EHBP1: variants seen among roughly 807,000 people sequenced by gnomAD.
The protein encoded by EHBP1 is EH domain binding protein 1.
Under a neutral mutation model 144.0 loss-of-function variants are expected in EHBP1, and 55 were observed. That is an observed-to-expected ratio of 0.38 (90% CI 0.31 to 0.48). The LOEUF (loss-of-function observed/expected upper bound fraction) is 0.48. EHBP1 is among the 20% of genes least tolerant of loss of function. The pLI is 0.98. For synonymous variants in EHBP1, 469 were observed against 472.7 expected, an observed-to-expected ratio of 0.99 and a Z score of 0.10; for missense variants, 1,200 against 1,364.2, an observed-to-expected ratio of 0.88 and a Z score of 1.90.
chr2:62,736,166 G>A (rs183478577), intron 2 of EHBP1, among the ~76,000 whole-genome samples: 39 of 124,268 alleles, frequency 3.1e-4, no homozygotes, highest in Non-Finnish European at 4.4e-4. Flanking sequence ...TTTTGTAGTT[G>A]TTCCGCAGTC....
chr2:62,844,186 G>A (rs1371165545), intron 7 of EHBP1, among the ~76,000 whole-genome samples: 1 of 152,136 alleles, frequency 6.6e-6, no homozygotes, highest in African/African-American at 2.4e-5. Context: ...TAAATTAGCA[G>A]TATTTGACAA....
intron 7 of EHBP1, among the ~76,000 whole-genome samples, chr2:62,835,616 C>T (rs1318318066): frequency 2.6e-5 from 4 of 151,962 alleles, no homozygotes; most frequent in East Asian, 1.9e-4. Context: ...AGACAGTGGG[C>T]GCAGGCCAGT....
At chr2:62,956,688 GAAAAAA>G (rs552448173) in intron 14 of EHBP1, among the ~76,000 whole-genome samples, 1,128 of 107,506 alleles carry the variant, frequency 0.01, 20 homozygotes, top group East Asian at 0.04. Flanking sequence ...TCTACTTACA[GAAAAAA>G]AAAAAAAAAA....
intron 5 of EHBP1, among the ~76,000 whole-genome samples, chr2:62,792,538 A>G (rs1190577723): frequency 6.6e-6 from 1 of 152,096 alleles, no homozygotes; most frequent in East Asian, 1.9e-4. Context: ...ATGATGTTTG[A>G]TAAACGAACT....
chr2:62,974,482 C>G (rs1234797359), intron 14 of EHBP1, among the ~76,000 whole-genome samples: 1 of 151,908 alleles, frequency 6.6e-6, no homozygotes, highest in African/African-American at 2.4e-5. Context: ...TTGCGTATAC[C>G]CTTCCAAATC....
intron 5 of EHBP1, among the ~76,000 whole-genome samples, chr2:62,785,903 A>G (rs1180541018): frequency 6.6e-6 from 1 of 151,902 alleles, no homozygotes; most frequent in Non-Finnish European, 1.5e-5. Flanking sequence ...TCTGAACCAC[A>G]TCATCCTTTC....
chr2:62,935,187 C>T (rs995153321), intron 10 of EHBP1, among the ~76,000 whole-genome samples: 27 of 151,338 alleles, frequency 1.8e-4, no homozygotes, highest in African/African-American at 5.8e-4. Flanking sequence ...AAATTAGCTG[C>T]GTGTGGTGGC....
chr2:62,680,727 A>G (rs989664506), intron 1 of EHBP1, among the ~76,000 whole-genome samples: 9 of 152,304 alleles, frequency 5.9e-5, no homozygotes, highest in South Asian at 2.1e-4. Context: ...GTCTAGAGGG[A>G]ATATGAGGCT....
Position 62,948,745 on chromosome 2 carries a change from C to A in EHBP1, c.1899C>A (p.Asp633Glu), listed in dbSNP as rs1438000853. 4.3e-6 allele frequency: 7 copies of A among 1,613,964 alleles called. No individual in the cohort carries two copies. Among genetic ancestry groups the A allele is most frequent in the African/African-American group, 2.7e-5 (2 of 74,914 alleles). Residue 633 changes from aspartate (D) to glutamate (E), a missense_variant, in exon 13 of 23, where the codon GAC (aspartate) becomes GAA (glutamate). Coordinates refer to ENST00000431489, the MANE Select transcript of EHBP1 (RefSeq NM_001142616.3). ...QSSGRTSGSD[D>E]PGICSNTDST... ...CTGGAAGGACTTCAGGATCTGATGA[C>A]CCTGGAATATGTTCCAATACAGATT...
At chr2:62,983,444 T>C (rs908239062) in intron 15 of EHBP1, among the ~76,000 whole-genome samples, 1 of 152,092 alleles carries the variant, frequency 6.6e-6, no homozygotes. Context: ...TAAAGTATAT[T>C]ATATATGATA....
intron 2 of EHBP1, among the ~76,000 whole-genome samples, chr2:62,713,697 T>C (rs2151861462): frequency 6.6e-6 from 1 of 152,366 alleles, no homozygotes. Flanking sequence ...TTGCAAGTTA[T>C]GTGAATCTTG....
chr2:62,964,897 T>G (rs1463034427), intron 14 of EHBP1: 1 of 152,674 alleles, frequency 6.5e-6, no homozygotes, highest in East Asian at 1.9e-4. Context: ...CTATGGCCCC[T>G]TGGCATGAAA....
At chr2:62,735,297 T>C (rs1573031493) in intron 2 of EHBP1, among the ~76,000 whole-genome samples, 1 of 152,138 alleles carries the variant, frequency 6.6e-6, no homozygotes, top group Non-Finnish European at 1.5e-5. Flanking sequence ...TTTTTTGTGG[T>C]TGCGTTAGAG....
intron 14 of EHBP1, among the ~76,000 whole-genome samples, chr2:62,960,156 TC>T (rs967881435): frequency 6.6e-6 from 1 of 152,138 alleles, no homozygotes; most frequent in African/African-American, 2.4e-5. Context: ...ATATGAAGCC[TC>T]AAAATCCATC....
At chr2:63,040,062 A>G (rs2061595739) in intron 21 of EHBP1, among the ~76,000 whole-genome samples, 1 of 151,780 alleles carries the variant, frequency 6.6e-6, no homozygotes, top group South Asian at 2.1e-4. Context: ...TCCTCTTGAT[A>G]TAGTTTTTGT....
chr2:62,699,649 G>A (rs2034213562), intron 1 of EHBP1, among the ~76,000 whole-genome samples: 1 of 152,208 alleles, frequency 6.6e-6, no homozygotes, highest in Admixed American at 6.5e-5. Context: ...GGACAACTAG[G>A]CCAACGTTTA....
At chr2:63,019,605 GC>G (rs1379061560) in intron 19 of EHBP1, among the ~76,000 whole-genome samples, 1 of 151,914 alleles carries the variant, frequency 6.6e-6, no homozygotes, top group African/African-American at 2.4e-5. Context: ...TACTCGGGAG[GC>G]TGAGGCAGAA....
At chr2:62,770,019 C>A (rs760994882) in intron 4 of EHBP1, among the ~76,000 whole-genome samples, 1 of 152,062 alleles carries the variant, frequency 6.6e-6, no homozygotes, top group African/African-American at 2.4e-5. Context: ...AAAATCAACT[C>A]AAGATGAGTT....
At chr2:62,975,574 T>A (rs1394176888) in intron 14 of EHBP1, among the ~76,000 whole-genome samples, 2 of 152,092 alleles carry the variant, frequency 1.3e-5, no homozygotes, top group African/African-American at 4.8e-5. Flanking sequence ...TTTATAATTC[T>A]ACCTTTTAGG....
Sources: allele counts gnomAD v4.1 joint callset (sites outside exome capture counted in the v4.1 genomes callset), GRCh38; gene constraint gnomAD v4.1.1; transcripts MANE v1.5; gene names NCBI Gene and HGNC (gene_info 2026-07-23, HGNC 2026-07-21).